The following CRACD variants were observed in gnomAD, a reference collection of about 807,000 sequenced individuals.
CRACD encodes the protein capping protein-inhibiting regulator of actin dynamics.
In CRACD, 56 loss-of-function variants were observed where a neutral mutation model predicts 106.8. That is an observed-to-expected ratio of 0.52 (90% CI 0.42 to 0.66). The LOEUF is 0.66. Among genes scored for constraint, CRACD ranks in the 30% least tolerant of loss-of-function variants. The pLI, the probability that CRACD is intolerant of heterozygous loss-of-function variation, is 0.00. For synonymous variants in CRACD, 754 were observed against 670.8 expected, an observed-to-expected ratio of 1.12 and a Z score of -1.92; for missense variants, 1,730 against 1,623.2, an observed-to-expected ratio of 1.07 and a Z score of -1.13.
At chr4:56,290,206 T>G (rs1458399956) in intron 3 of CRACD, among the ~76,000 whole-genome samples, 1 of 152,232 alleles carries the variant, frequency 6.6e-6, no homozygotes, top group East Asian at 1.9e-4. Context: ...TCCAGTCTTC[T>G]GCATGAGTTT....
intron 1 of CRACD, among the ~76,000 whole-genome samples, chr4:56,144,717 A>G (rs995876038): frequency 1.3e-5 from 2 of 150,050 alleles, no homozygotes; most frequent in African/African-American, 4.9e-5. Context: ...GTGCAGTGGC[A>G]CAATCTCAGC....
chr4:56,247,847 C>T (rs1188028755), intron 2 of CRACD, among the ~76,000 whole-genome samples: 2 of 94,642 alleles, frequency 2.1e-5, no homozygotes, highest in African/African-American at 6.7e-5. Context: ...CTCCATCTTA[C>T]AGAAAAAAAA....
intron 1 of CRACD, among the ~76,000 whole-genome samples, chr4:56,110,772 T>C (rs1305684702): frequency 6.6e-6 from 1 of 152,098 alleles, no homozygotes; most frequent in African/African-American, 2.4e-5. Context: ...GATTTTTGTG[T>C]TTTTAGTAGA....
At chr4:56,065,641 T>TTTG (rs764717963) in intron 1 of CRACD, among the ~76,000 whole-genome samples, 3 of 152,194 alleles carry the variant, frequency 2.0e-5, no homozygotes, top group East Asian at 3.8e-4. Context: ...AGCTGGTTTT[T>TTTG]TTGTTGTTGT....
At chr4:56,089,840 G>A (rs1733360375) in intron 1 of CRACD, among the ~76,000 whole-genome samples, 1 of 152,086 alleles carries the variant, frequency 6.6e-6, no homozygotes, top group Admixed American at 6.6e-5. Flanking sequence ...GTGACACTAG[G>A]TTCCCGACTG....
At chr4:56,101,940 A>G (rs1166742429) in intron 1 of CRACD, among the ~76,000 whole-genome samples, 1 of 151,984 alleles carries the variant, frequency 6.6e-6, no homozygotes, top group Non-Finnish European at 1.5e-5. Context: ...ATTCATTTCA[A>G]TTGTTATATA....
chr4:56,290,876 CTG>C (rs1238452268), intron 3 of CRACD, among the ~76,000 whole-genome samples: 2 of 152,170 alleles, frequency 1.3e-5, no homozygotes, highest in African/African-American at 4.8e-5. Context: ...CTTATGAAAA[CTG>C]TGAAAACTGT....
intron 1 of CRACD, among the ~76,000 whole-genome samples, chr4:56,053,655 G>A (rs914040886): frequency 3.9e-5 from 6 of 152,122 alleles, no homozygotes; most frequent in Admixed American, 3.9e-4. Context: ...CACTGCTCTT[G>A]CATTATAGCT....
At chr4:56,177,033 A>G (rs1414287514) in intron 1 of CRACD, among the ~76,000 whole-genome samples, 1 of 152,152 alleles carries the variant, frequency 6.6e-6, no homozygotes, top group East Asian at 1.9e-4. Context: ...TTTCTTTGCA[A>G]TTTGGACGCC....
chr4:56,189,287 C>G (rs1048055394), intron 2 of CRACD, among the ~76,000 whole-genome samples: 1 of 152,092 alleles, frequency 6.6e-6, no homozygotes, highest in Non-Finnish European at 1.5e-5. Context: ...ATGTCTGCCT[C>G]TCTTCCCACT....
intron 1 of CRACD, among the ~76,000 whole-genome samples, chr4:56,104,323 G>T (rs1320570397): frequency 1.3e-5 from 2 of 152,138 alleles, no homozygotes; most frequent in Admixed American, 1.3e-4. Context: ...GAGCCCAGGA[G>T]GTCAAGCCTT....
At chr4:56,286,450 C>T (rs1374013710) in intron 3 of CRACD, among the ~76,000 whole-genome samples, 2 of 141,472 alleles carry the variant, frequency 1.4e-5, no homozygotes, top group Admixed American at 7.5e-5. Flanking sequence ...GGCATGAACC[C>T]GGGAGGCAGA....
At chr4:56,294,695 C>T (rs1290868107) in intron 3 of CRACD, among the ~76,000 whole-genome samples, 7 of 152,094 alleles carry the variant, frequency 4.6e-5, no homozygotes, top group African/African-American at 1.7e-4. Flanking sequence ...GGGCTGATCA[C>T]TTGAGGCCAG....
chr4:56,075,270 C>T (rs940797111), intron 1 of CRACD, among the ~76,000 whole-genome samples: 1 of 152,122 alleles, frequency 6.6e-6, no homozygotes, highest in Non-Finnish European at 1.5e-5. Context: ...GTTACCAGCT[C>T]CTCTTTGTAC....
Position 56,315,528 on chromosome 4 carries a change from C to T in CRACD, c.2026C>T (p.Leu676=), listed in dbSNP as rs769033932. ...AEWASIRSRI[L]KNAESDPRSS... ...ATGGGCTTCCATTCGGTCCAGAATC[C>T]TGAAGAACGCAGAGAGTGACCCGCG... The change falls in exon 8 of 11, where the codon CTG becomes TTG. Residue 676 remains leucine, a synonymous_variant. Transcript: ENST00000682029. The surrounding 1 kb of genome is among the most constrained non-coding windows in gnomAD (Gnocchi z 4.1). The T allele has an allele frequency of 1.2e-6, 2 of 1,614,018 alleles. No homozygotes were observed. Among genetic ancestry groups the T allele is most frequent in the African/African-American group, 1.3e-5 (1 of 75,046 alleles).
At chr4:56,103,478 G>C (rs975491131) in intron 1 of CRACD, among the ~76,000 whole-genome samples, 6 of 152,328 alleles carry the variant, frequency 3.9e-5, no homozygotes, top group Non-Finnish European at 7.3e-5. Context: ...GGTCTTTTCT[G>C]CTAAGATTCT....
intron 1 of CRACD, among the ~76,000 whole-genome samples, chr4:56,102,728 A>G (rs963394109): frequency 4.6e-5 from 7 of 152,176 alleles, no homozygotes; most frequent in Admixed American, 6.5e-5. Context: ...GCTGTTTAAC[A>G]TCGTCTGCTG....
At chr4:56,219,641 G>A (rs1738922641) in intron 2 of CRACD, among the ~76,000 whole-genome samples, 1 of 152,170 alleles carries the variant, frequency 6.6e-6, no homozygotes, top group African/African-American at 2.4e-5. Context: ...CAGGGGTGAG[G>A]TACCATGCCC....
At chr4:56,264,264 A>G (rs1189156903) in intron 2 of CRACD, among the ~76,000 whole-genome samples, 2 of 152,134 alleles carry the variant, frequency 1.3e-5, no homozygotes, top group African/African-American at 4.8e-5. Flanking sequence ...ATGAGATTTG[A>G]ATGGGGACAG....
Sources: allele counts gnomAD v4.1 joint callset (sites outside exome capture counted in the v4.1 genomes callset), GRCh38; gene constraint gnomAD v4.1.1; non-coding constraint Gnocchi (gnomAD v3.1); transcripts MANE v1.5; gene names NCBI Gene and HGNC (gene_info 2026-07-23, HGNC 2026-07-21).